Variants in CADM2 observed in about 807,000 individuals in gnomAD.
The protein encoded by CADM2 is immunoglobulin superfamily member 4D.
A neutral mutation model predicts 49.8 loss-of-function variants in CADM2; 12 were observed. The observed-to-expected ratio is 0.24, with a 90% CI of 0.15 to 0.39. The LOEUF is 0.39. Ranked by LOEUF, CADM2 falls within the 10% of genes least tolerant of loss-of-function variation. The pLI is 1.00. For missense variants in CADM2, 378 were observed against 492.3 expected (o/e 0.77, Z 2.20); for synonymous variants, 214 against 175.4 (o/e 1.22, Z -1.74).
At chr3:85,802,242 C>T in intron 3 of CADM2, 46 bp downstream of exon 3, 1 of 1,492,818 alleles carries the variant, frequency 6.7e-7, no homozygotes, top group Non-Finnish European at 9.1e-7. Flanking sequence ...TCTAAAATAT[C>T]CTAATTACAA....
chr3:85,925,903 C>T lies in CADM2; in HGVS notation c.701-9864C>T, dbSNP rs555156761. Among the ~76,000 whole-genome samples, 239 of 152,062 alleles carry T rather than the reference C, an allele frequency of 1.6e-3. 1 individual carries two copies. The highest frequency in any genetic ancestry group is 2.5e-3 in the Non-Finnish European group (173 of 67,972). On this transcript the variant is annotated intron_variant, in intron 6 of 9. Transcript: ENST00000383699. ...CTGTAATCCCAGCACTTTGGGAGGC[C>T]AAGGAGGGCAGATCATGAGGTCAGG...
At chr3:86,040,992 G>C (rs1735829600) in intron 8 of CADM2, among the ~76,000 whole-genome samples, 1 of 152,064 alleles carries the variant, frequency 6.6e-6, no homozygotes, top group African/African-American at 2.4e-5. Flanking sequence ...AGCTTCATAA[G>C]TGAAGGAGAA....
At chr3:85,135,600 C>T (rs1445961199) in intron 1 of CADM2, among the ~76,000 whole-genome samples, 3 of 151,942 alleles carry the variant, frequency 2.0e-5, no homozygotes, top group Non-Finnish European at 2.9e-5. Flanking sequence ...AAAAATTAGC[C>T]TCAATAAGTT....
At chr3:85,399,391 A>G (rs149673335) in intron 1 of CADM2, among the ~76,000 whole-genome samples, 1 of 152,020 alleles carries the variant, frequency 6.6e-6, no homozygotes, top group Non-Finnish European at 1.5e-5. Context: ...CTTTTAGTAT[A>G]GTTTGAAGTC....
At chr3:85,405,121 GA>G (rs2035308180) in intron 1 of CADM2, among the ~76,000 whole-genome samples, 1 of 152,060 alleles carries the variant, frequency 6.6e-6, no homozygotes, top group African/African-American at 2.4e-5. Flanking sequence ...AAGAACTTGA[GA>G]AAAAGTTAGC....
At chr3:85,155,096 C>A (rs1575998411) in intron 1 of CADM2, among the ~76,000 whole-genome samples, 2 of 145,246 alleles carry the variant, frequency 1.4e-5, no homozygotes, top group South Asian at 2.1e-4. Flanking sequence ...ACAATATTAA[C>A]CTTAAATGTA....
At chr3:85,854,220 G>A (rs183083875) in intron 3 of CADM2, among the ~76,000 whole-genome samples, 141 of 152,218 alleles carry the variant, frequency 9.3e-4, no homozygotes, top group African/African-American at 3.2e-3. Context: ...CTCTAAAAGT[G>A]CTTATAAAAA....
At chr3:85,530,915 A>ACACACAC (rs1553737337) in intron 1 of CADM2, among the ~76,000 whole-genome samples, 1 of 102,422 alleles carries the variant, frequency 9.8e-6, no homozygotes, top group Non-Finnish European at 1.9e-5. Flanking sequence ...CACACACACA[A>ACACACAC]AATTCATTAT....
intron 1 of CADM2, among the ~76,000 whole-genome samples, chr3:85,693,184 G>A (rs2066438024): frequency 1.3e-5 from 2 of 151,698 alleles, no homozygotes; most frequent in Admixed American, 1.3e-4. Flanking sequence ...GGGAAGAGAA[G>A]GTTGCAGTGA....
intron 1 of CADM2, among the ~76,000 whole-genome samples, chr3:85,308,847 C>G (rs1338236750): frequency 6.6e-6 from 1 of 152,052 alleles, no homozygotes; most frequent in Non-Finnish European, 1.5e-5. Context: ...AGATAGGCAA[C>G]TACGTCTCCA....
At position 85,348,547 on chromosome 3, in the gene CADM2, A is replaced by G. The variant is rs1488128494; in HGVS notation, c.62-377975A>G. ...GTTCCTTTCCAAAAATTATCTTTAA[A>G]AAAATCTTCAGGAAATATCTTAGAA... On this transcript the variant is annotated intron_variant, in intron 1 of 9. Transcript: ENST00000383699. 3.3e-5 allele frequency among the ~76,000 whole-genome samples: 5 copies of G among 152,206 alleles called. No individual in the cohort carries two copies. In the East Asian group the frequency reaches 9.6e-4, roughly 29 times the overall value.
At chr3:85,084,894 C>A (rs1002986053) in intron 1 of CADM2, among the ~76,000 whole-genome samples, 3 of 151,776 alleles carry the variant, frequency 2.0e-5, no homozygotes, top group African/African-American at 4.8e-5. Flanking sequence ...TGATAGGAGA[C>A]CCTTGAAATT....
At chr3:85,252,946 G>A (rs565459743) in intron 1 of CADM2, among the ~76,000 whole-genome samples, 5 of 151,982 alleles carry the variant, frequency 3.3e-5, no homozygotes, top group Non-Finnish European at 5.9e-5. Context: ...TTTTATGCAA[G>A]CTCATATGTT....
chr3:84,980,124 G>A (rs1009840745), intron 1 of CADM2, among the ~76,000 whole-genome samples: 1 of 152,146 alleles, frequency 6.6e-6, no homozygotes, highest in African/African-American at 2.4e-5. Context: ...ATGGAGCAAA[G>A]CTAATGCATA....
chr3:85,780,957 C>T (rs1427523275), intron 2 of CADM2, among the ~76,000 whole-genome samples: 1 of 151,980 alleles, frequency 6.6e-6, no homozygotes, highest in Non-Finnish European at 1.5e-5. Context: ...CTCTTGGGAC[C>T]CAGGAGCCAT....
chr3:85,701,860 GATA>G (rs1206866584), intron 1 of CADM2, among the ~76,000 whole-genome samples: 6 of 19,460 alleles, frequency 3.1e-4, no homozygotes, highest in South Asian at 1.4e-3. Flanking sequence ...TGTTGTAAAA[GATA>G]GATAGATAGA....
In CADM2 at chr3:85,785,199, G is replaced by A. The variant is rs2070909236; in HGVS notation, c.89-16848G>A. 5.3e-5 allele frequency among the ~76,000 whole-genome samples: 8 copies of A among 152,020 alleles called. No individual in the cohort carries two copies. The South Asian group carries it at 1.5e-3, about 28-fold the overall frequency. On this transcript the variant is annotated intron_variant, in intron 2 of 9. Coordinates refer to ENST00000383699, the MANE Select transcript of CADM2 (RefSeq NM_001167675.2). ...TTTTCCTCAATCTGGCTAAAGGTTG[G>A]TCAATTTTATCTTTTCAAAAATCCA...
intron 1 of CADM2, among the ~76,000 whole-genome samples, chr3:85,544,903 G>A (rs2061631913): frequency 6.6e-6 from 1 of 152,112 alleles, no homozygotes; most frequent in Admixed American, 6.5e-5. Flanking sequence ...AGAAAAAATA[G>A]ATCTTGAGCG....
intron 5 of CADM2, among the ~76,000 whole-genome samples, chr3:85,903,276 C>T (rs1577615468): frequency 6.6e-6 from 1 of 151,274 alleles, no homozygotes; most frequent in Non-Finnish European, 1.5e-5. Flanking sequence ...ATTTTAACCT[C>T]TTTTTAATTA....
Sources: gnomAD v4.1 joint callset for allele counts (sites outside exome capture counted in the v4.1 genomes callset) on GRCh38, gnomAD v4.1.1 for gene constraint, MANE v1.5 for transcripts, NCBI Gene and HGNC (gene_info 2026-07-23, HGNC 2026-07-21) for gene names.